The following RANBP17 variants were observed in gnomAD, a reference collection of about 807,000 sequenced individuals.
RANBP17 encodes ran-binding protein 17.
In RANBP17, 158 loss-of-function variants were observed where a neutral mutation model predicts 141.2. That is an observed-to-expected ratio of 1.12 (90% CI 0.98 to 1.28). RANBP17 has a LOEUF of 1.28. Among genes scored for constraint, RANBP17 ranks in the 50% most tolerant of loss-of-function variants. The pLI is 0.00. For synonymous variants in RANBP17, 430 were observed against 450.0 expected (o/e 0.96, Z 0.56); for missense variants, 1,438 against 1,290.7 (o/e 1.11, Z -1.75).
intron 14 of RANBP17, among the ~76,000 whole-genome samples, chr5:171,055,289 G>GAC (rs1473849613): frequency 6.6e-6 from 1 of 152,148 alleles, no homozygotes; most frequent in East Asian, 1.9e-4. Flanking sequence ...TACAGGAATA[G>GAC]ACAGGGTTAG....
At chr5:171,281,267 A>G (rs1479115073) in intron 25 of RANBP17, among the ~76,000 whole-genome samples, 2 of 152,210 alleles carry the variant, frequency 1.3e-5, no homozygotes, top group African/African-American at 4.8e-5. Context: ...AAAGACAGTG[A>G]TGGAAAGTGC....
intron 9 of RANBP17, 87 bp downstream of exon 9, chr5:170,916,671 T>C (rs1187676367): frequency 1.1e-6 from 1 of 907,952 alleles, no homozygotes; most frequent in Admixed American, 2.9e-5. Context: ...GAATTTATTA[T>C]GATTCTGGAA....
At chr5:171,191,135 TG>T (rs1761605510) in intron 18 of RANBP17, among the ~76,000 whole-genome samples, 1 of 152,198 alleles carries the variant, frequency 6.6e-6, no homozygotes, top group East Asian at 1.9e-4. Flanking sequence ...AAGAGGTAAT[TG>T]GCATCTGAAG....
chr5:171,217,249 A>G (rs1390524009), intron 21 of RANBP17, among the ~76,000 whole-genome samples: 1 of 152,218 alleles, frequency 6.6e-6, no homozygotes. Flanking sequence ...TTTGCATCCC[A>G]GGGATAAAGC....
chr5:171,145,947 A>C (rs1758002849), intron 14 of RANBP17, among the ~76,000 whole-genome samples: 1 of 152,238 alleles, frequency 6.6e-6, no homozygotes, highest in Non-Finnish European at 1.5e-5. Flanking sequence ...AATAGGCCCC[A>C]GGAAGAAGAA....
At chr5:171,175,730 A>T (rs1760424344) in intron 16 of RANBP17, among the ~76,000 whole-genome samples, 1 of 152,166 alleles carries the variant, frequency 6.6e-6, no homozygotes, top group Non-Finnish European at 1.5e-5. Context: ...CCACAATGAG[A>T]TACCAATATC....
At chr5:171,121,514 C>A (rs953377876) in intron 14 of RANBP17, among the ~76,000 whole-genome samples, 5 of 152,212 alleles carry the variant, frequency 3.3e-5, no homozygotes. Flanking sequence ...TTGGCTGATT[C>A]GCTGTTCTGC....
chr5:171,063,358 T>C (rs1784049238), intron 14 of RANBP17, among the ~76,000 whole-genome samples: 1 of 152,238 alleles, frequency 6.6e-6, no homozygotes, highest in Admixed American at 6.5e-5. Context: ...TCCTTTCTGT[T>C]TGTTAGCTTT....
At chr5:171,006,423 A>T (rs889360397) in intron 14 of RANBP17, among the ~76,000 whole-genome samples, 2 of 152,220 alleles carry the variant, frequency 1.3e-5, no homozygotes, top group Non-Finnish European at 1.5e-5. Flanking sequence ...GCCATAAAAA[A>T]TTATGAGTTG....
chr5:170,963,131 G>T (rs1182401547), intron 13 of RANBP17, among the ~76,000 whole-genome samples: 1 of 152,176 alleles, frequency 6.6e-6, no homozygotes, highest in Non-Finnish European at 1.5e-5. Flanking sequence ...TATTTAGTGT[G>T]ATGGATTGTA....
intron 14 of RANBP17, among the ~76,000 whole-genome samples, chr5:171,002,985 G>C (rs1296486186): frequency 6.6e-6 from 1 of 152,180 alleles, no homozygotes; most frequent in Non-Finnish European, 1.5e-5. Context: ...GAAAGTATAT[G>C]TGTCATGTGT....
intron 18 of RANBP17, among the ~76,000 whole-genome samples, chr5:171,197,532 G>A (rs988708521): frequency 6.6e-6 from 1 of 152,190 alleles, no homozygotes; most frequent in African/African-American, 2.4e-5. Flanking sequence ...AAGATACACA[G>A]TCTCAGTGCC....
intron 1 of RANBP17, among the ~76,000 whole-genome samples, chr5:170,870,282 C>T (rs1212623745): frequency 6.6e-6 from 1 of 152,004 alleles, no homozygotes; most frequent in Non-Finnish European, 1.5e-5. Flanking sequence ...ATACATGTGC[C>T]GTGGTGGTTT....
At chr5:171,246,036 G>A (rs138810483) in intron 24 of RANBP17, among the ~76,000 whole-genome samples, 6 of 151,998 alleles carry the variant, frequency 3.9e-5, no homozygotes, top group Admixed American at 1.3e-4. Flanking sequence ...GTGCCACCAC[G>A]CCTAGCTAAT....
chr5:171,089,221 TG>T (rs1785981101), intron 14 of RANBP17, among the ~76,000 whole-genome samples: 1 of 118,328 alleles, frequency 8.5e-6, no homozygotes, highest in African/African-American at 2.7e-5. Flanking sequence ...CCCTGCAGTG[TG>T]AGGTGTCAGT....
intron 14 of RANBP17, among the ~76,000 whole-genome samples, chr5:171,112,127 TCTTA>T (rs368820369): frequency 8.5e-5 from 13 of 152,316 alleles, no homozygotes; most frequent in African/African-American, 2.9e-4. Flanking sequence ...TATTTATTGT[TCTTA>T]CTTCTGTTCA....
At chr5:171,184,691 C>T (rs943239885) in intron 18 of RANBP17, among the ~76,000 whole-genome samples, 1 of 152,150 alleles carries the variant, frequency 6.6e-6, no homozygotes, top group Admixed American at 6.5e-5. Flanking sequence ...CTACATCATA[C>T]ATATGTACCT....
chr5:171,286,531 T>C (rs1421806745), intron 25 of RANBP17, among the ~76,000 whole-genome samples: 3 of 152,182 alleles, frequency 2.0e-5, no homozygotes, highest in African/African-American at 7.2e-5. Flanking sequence ...GTAACTTAGA[T>C]GGTAGAACTT....
intron 25 of RANBP17, among the ~76,000 whole-genome samples, chr5:171,277,294 A>T (rs920014920): frequency 6.6e-6 from 1 of 151,936 alleles, no homozygotes; most frequent in African/African-American, 2.4e-5. Flanking sequence ...CCTGCATCAC[A>T]CGAAGCTAGC....
Sources: allele counts gnomAD v4.1 joint callset (sites outside exome capture counted in the v4.1 genomes callset), GRCh38; gene constraint gnomAD v4.1.1; transcripts MANE v1.5; gene names NCBI Gene and HGNC (gene_info 2026-07-23, HGNC 2026-07-21).